Variants in FBXL7 observed in about 807,000 individuals in gnomAD.
The protein encoded by FBXL7 is F-box and leucine rich repeat protein 7, also known as F-box/LRR-repeat protein 7.
In FBXL7, 12 loss-of-function variants were observed where a neutral mutation model predicts 38.3. That is an observed-to-expected ratio of 0.31 (90% CI 0.20 to 0.51). FBXL7 has a LOEUF of 0.51. Ranked by LOEUF, FBXL7 falls within the 20% of genes least tolerant of loss-of-function variation. The probability of loss-of-function intolerance (pLI) is 0.98; values close to 1 mark genes in which losing one functional copy is unlikely to be tolerated. For missense variants in FBXL7, 567 were observed against 676.4 expected (o/e 0.84, Z 1.79); for synonymous variants, 297 against 300.9 (o/e 0.99, Z 0.13).
At chr5:15,866,930 A>T (rs72736133) in intron 2 of FBXL7, among the ~76,000 whole-genome samples, 33,638 of 151,646 alleles carry the variant, frequency 0.22, 4,271 homozygotes, top group African/African-American at 0.36. Flanking sequence ...ACTTATATGG[A>T]ATGGGGTAGA....
At chr5:15,636,725 G>T (rs567101432) in intron 2 of FBXL7, among the ~76,000 whole-genome samples, 34 of 149,504 alleles carry the variant, frequency 2.3e-4, no homozygotes, top group African/African-American at 8.4e-4. Context: ...ATTTATGTTG[G>T]CTTTTTCTTT....
Position 15,928,264 on chromosome 5 carries a change from C to A in FBXL7, c.502C>A (p.Arg168Ser), listed in dbSNP as rs1437379180. The change falls in exon 3 of 4, where the codon CGC (arginine) becomes AGC (serine). Residue 168 changes from arginine (R) to serine (S), a missense_variant. Transcript: ENST00000504595. This position sits in a 1 kb window ranked among gnomAD's most constrained non-coding sequence, Gnocchi z 4.0. The stretch of plus-strand genomic sequence containing the variant: ...GACGGGCGAGACCATCAACGTGGAC[C>A]GCGCCCTCAAGGTGCTGACCCGCAG... The part of the protein sequence containing the change: ...RLTGETINVD[R>S]ALKVLTRRLC... The A allele has an allele frequency of 2.5e-6, 4 of 1,612,200 alleles. No individual in the cohort carries two copies. The African/African-American group carries it at 4.0e-5, about 16-fold the overall frequency.
chr5:15,747,838 C>G (rs532853886), intron 2 of FBXL7, among the ~76,000 whole-genome samples: 130 of 152,274 alleles, frequency 8.5e-4, no homozygotes, highest in African/African-American at 3.0e-3. Context: ...CTGCTCATCC[C>G]TCCACCTCTG....
intron 2 of FBXL7, among the ~76,000 whole-genome samples, chr5:15,755,450 G>C (rs1736271920): frequency 1.3e-5 from 2 of 152,028 alleles, no homozygotes; most frequent in Non-Finnish European, 1.5e-5. Context: ...CTTTCTCTCT[G>C]TGTCTCCCAT....
At chr5:15,727,852 C>T (rs963844853) in intron 2 of FBXL7, among the ~76,000 whole-genome samples, 4 of 152,036 alleles carry the variant, frequency 2.6e-5, no homozygotes, top group Non-Finnish European at 5.9e-5. Context: ...CTACAATGCA[C>T]GTATTGGTTT....
chr5:15,927,676 G>A (rs1741912132), intron 2 of FBXL7, among the ~76,000 whole-genome samples: 1 of 149,218 alleles, frequency 6.7e-6, no homozygotes, highest in South Asian at 2.1e-4. Context: ...TCGGGAGGCT[G>A]AGTCAGGAGA....
chr5:15,780,690 G>T (rs1736969067), intron 2 of FBXL7, among the ~76,000 whole-genome samples: 1 of 152,112 alleles, frequency 6.6e-6, no homozygotes, highest in Non-Finnish European at 1.5e-5. Flanking sequence ...AAATTAAGAT[G>T]ATGTTTAAAT....
At chr5:15,518,544 C>T (rs1339946569) in intron 1 of FBXL7, among the ~76,000 whole-genome samples, 1 of 152,060 alleles carries the variant, frequency 6.6e-6, no homozygotes, top group Non-Finnish European at 1.5e-5. Flanking sequence ...GAGGGTGAGG[C>T]TTTCATGGGG....
At chr5:15,886,808 T>A (rs547789133) in intron 2 of FBXL7, among the ~76,000 whole-genome samples, 2 of 152,240 alleles carry the variant, frequency 1.3e-5, no homozygotes, top group African/African-American at 4.8e-5. Flanking sequence ...CATGTGCACA[T>A]GTGTGTGCCT....
intron 2 of FBXL7, among the ~76,000 whole-genome samples, chr5:15,917,459 T>C (rs2126438253): frequency 6.6e-6 from 1 of 152,178 alleles, no homozygotes; most frequent in Admixed American, 6.5e-5. Context: ...ATTTTAAAAA[T>C]GAGCCAGGCA....
intron 2 of FBXL7, among the ~76,000 whole-genome samples, chr5:15,771,876 T>G (rs1258351910): frequency 6.6e-6 from 1 of 150,630 alleles, no homozygotes; most frequent in Non-Finnish European, 1.5e-5. Context: ...CAAGCAATTC[T>G]CCTGCTTCAG....
intron 2 of FBXL7, among the ~76,000 whole-genome samples, chr5:15,654,085 C>T (rs914898426): frequency 1.3e-5 from 2 of 152,090 alleles, no homozygotes; most frequent in African/African-American, 2.4e-5. Context: ...TTTGTTTGAG[C>T]CAAACAAATA....
At chr5:15,706,601 G>A (rs538894452) in intron 2 of FBXL7, among the ~76,000 whole-genome samples, 5 of 152,250 alleles carry the variant, frequency 3.3e-5, no homozygotes, top group Admixed American at 2.0e-4. Context: ...AAGGAATGAC[G>A]GAGAACTTAA....
At chr5:15,513,580 CAG>C (rs1736857777) in intron 1 of FBXL7, among the ~76,000 whole-genome samples, 5 of 152,140 alleles carry the variant, frequency 3.3e-5, no homozygotes, top group Non-Finnish European at 7.3e-5. Flanking sequence ...CATGTGTGTT[CAG>C]ATCAGATGGA....
chr5:15,855,642 T>A (rs929740570), intron 2 of FBXL7, among the ~76,000 whole-genome samples: 2 of 152,224 alleles, frequency 1.3e-5, no homozygotes, highest in African/African-American at 4.8e-5. Context: ...GAGAAATATA[T>A]TTCTATTTTT....
At chr5:15,893,282 T>C (rs973366013) in intron 2 of FBXL7, among the ~76,000 whole-genome samples, 1 of 152,274 alleles carries the variant, frequency 6.6e-6, no homozygotes, top group Middle Eastern at 3.4e-3. Context: ...CAGATACTGT[T>C]TATTCTATAA....
At chr5:15,870,451 C>T (rs774038067) in intron 2 of FBXL7, among the ~76,000 whole-genome samples, 31 of 152,048 alleles carry the variant, frequency 2.0e-4, no homozygotes, top group African/African-American at 4.8e-5. Flanking sequence ...AGAAAAGTCC[C>T]TCCTGTGGCA....
chr5:15,729,097 G>A (rs1365148054), intron 2 of FBXL7, among the ~76,000 whole-genome samples: 1 of 152,080 alleles, frequency 6.6e-6, no homozygotes, highest in Non-Finnish European at 1.5e-5. Context: ...AATATATGAT[G>A]TAAATGCACT....
intron 1 of FBXL7, among the ~76,000 whole-genome samples, chr5:15,551,944 G>T (rs530086926): frequency 2.6e-5 from 4 of 152,092 alleles, no homozygotes; most frequent in Non-Finnish European, 5.9e-5. Flanking sequence ...ATATGGTCTT[G>T]TGTATTTCAT....
Sources: allele counts gnomAD v4.1 joint callset (sites outside exome capture counted in the v4.1 genomes callset), GRCh38; gene constraint gnomAD v4.1.1; non-coding constraint Gnocchi (gnomAD v3.1); transcripts MANE v1.5; gene names NCBI Gene and HGNC (gene_info 2026-07-23, HGNC 2026-07-21).